TSC22D1: variants seen among roughly 807,000 people sequenced by gnomAD.
The protein encoded by TSC22D1 is TSC22 domain family member 1, also known as TSC22 domain family protein 1.
Under a neutral mutation model 74.2 loss-of-function variants are expected in TSC22D1, and 9 were observed. The ratio of observed to expected loss-of-function variants is 0.12; its 90% confidence interval spans 0.07 to 0.21. The LOEUF (loss-of-function observed/expected upper bound fraction) is 0.21. Ranked by LOEUF, TSC22D1 falls within the 10% of genes least tolerant of loss-of-function variation. The probability of loss-of-function intolerance (pLI) is 1.00; values close to 1 mark genes in which losing one functional copy is unlikely to be tolerated. For missense variants in TSC22D1, 1,427 were observed against 1,304.7 expected (o/e 1.09, Z -1.44); for synonymous variants, 586 against 492.5 (o/e 1.19, Z -2.51).
At chr13:44,464,441 A>C (rs1005023595) in intron 1 of TSC22D1, among the ~76,000 whole-genome samples, 2 of 152,254 alleles carry the variant, frequency 1.3e-5, no homozygotes, top group South Asian at 4.2e-4. Context: ...GACCTTACGG[A>C]GTTTACAGAC....
intron 1 of TSC22D1, among the ~76,000 whole-genome samples, chr13:44,453,259 A>T (rs905769101): frequency 4.1e-5 from 6 of 147,138 alleles, no homozygotes; most frequent in African/African-American, 1.5e-4. Context: ...CTAACAGCGC[A>T]CTTAGTAGCC....
At chr13:44,530,302 C>G (rs998361511) in intron 1 of TSC22D1, among the ~76,000 whole-genome samples, 2 of 152,136 alleles carry the variant, frequency 1.3e-5, no homozygotes, top group Non-Finnish European at 2.9e-5. Flanking sequence ...GGAGAAAGAA[C>G]AGTCTTCAAC....
At chr13:44,507,290 A>C (rs1879488603) in intron 1 of TSC22D1, among the ~76,000 whole-genome samples, 1 of 152,214 alleles carries the variant, frequency 6.6e-6, no homozygotes, top group Non-Finnish European at 1.5e-5. Flanking sequence ...AGAGGTAAGA[A>C]TAACGTTGCT....
At chr13:44,551,946 T>C (rs889053468) in intron 1 of TSC22D1, among the ~76,000 whole-genome samples, 2 of 152,160 alleles carry the variant, frequency 1.3e-5, no homozygotes, top group East Asian at 3.9e-4. Flanking sequence ...ACACTTTCAA[T>C]CACTCTTATT....
intron 1 of TSC22D1, among the ~76,000 whole-genome samples, chr13:44,563,644 T>C (rs933393440): frequency 1.3e-5 from 2 of 152,190 alleles, no homozygotes; most frequent in African/African-American, 4.8e-5. Flanking sequence ...CCTGACACAT[T>C]TTCCTTCACC....
Position 44,433,643 on chromosome 13 carries a change from T to TA in TSC22D1, c.*982dup. On this transcript the variant is annotated 3_prime_UTR_variant, in exon 3 of 3. Coordinates refer to ENST00000458659, the MANE Select transcript of TSC22D1 (RefSeq NM_183422.4). ...ATGCATATAACTACTATACAGGTGA[T>TA]ATGCAGAAACCCCTACTGGGAAATC... 3.5e-6 allele frequency: 1 copy of TA among 282,088 alleles called. No homozygotes were observed. The highest frequency in any genetic ancestry group is 6.5e-6 in the Non-Finnish European group (1 of 153,350). The allele number at this position is 282,088 out of a possible 1,614,324, so 17.5% of individuals were successfully genotyped here. A position where few individuals can be genotyped will look rare whatever the true frequency, so the allele number is the denominator to read the frequency against.
chr13:44,530,920 G>C (rs1268536676), intron 1 of TSC22D1, among the ~76,000 whole-genome samples: 1 of 152,168 alleles, frequency 6.6e-6, no homozygotes, highest in Non-Finnish European at 1.5e-5. Flanking sequence ...AGTCACTTTA[G>C]AAGACAGTTT....
chr13:44,523,216 C>T (rs1880397511), intron 1 of TSC22D1, among the ~76,000 whole-genome samples: 1 of 152,168 alleles, frequency 6.6e-6, no homozygotes, highest in African/African-American at 2.4e-5. Flanking sequence ...AAAAACAGTA[C>T]AGTCGAGTTG....
At chr13:44,529,205 T>C (rs1470076407) in intron 1 of TSC22D1, among the ~76,000 whole-genome samples, 1 of 151,946 alleles carries the variant, frequency 6.6e-6, no homozygotes, top group East Asian at 1.9e-4. Context: ...AATCCAACAA[T>C]GTATAAAAAA....
At chr13:44,438,819 T>TG (rs909267202) in intron 1 of TSC22D1, among the ~76,000 whole-genome samples, 31 of 152,168 alleles carry the variant, frequency 2.0e-4, no homozygotes, top group African/African-American at 7.2e-4. Context: ...ATTTACTACA[T>TG]GATAGTCTCT....
rs75218908 is a variant in TSC22D1, at chr13:44,484,058, C to G, written c.2913-47963G>C. Among the ~76,000 whole-genome samples the G allele has an allele frequency of 1.2e-3, 185 of 152,144 alleles. No homozygotes were observed. In the East Asian group the frequency reaches 0.029, roughly 24 times the overall value. On this transcript the variant is annotated intron_variant, in intron 1 of 2. Coordinates refer to ENST00000458659, the MANE Select transcript of TSC22D1 (RefSeq NM_183422.4). ...AGGTATCTTATACACGAATCTTGGC[C>G]CTTTTTAAAAGCATTACTTAAACAT... is the stretch of plus-strand genomic sequence containing the variant.
intron 1 of TSC22D1, among the ~76,000 whole-genome samples, chr13:44,562,267 C>G (rs1403375048): frequency 6.6e-6 from 1 of 152,134 alleles, no homozygotes; most frequent in Non-Finnish European, 1.5e-5. Context: ...TCTCAAACTC[C>G]TGGACTCCAG....
In TSC22D1 at chr13:44,480,169, T is replaced by C. The variant is rs183402523; in HGVS notation, c.2913-44074A>G. ...TGTTATCAACAGCACCTGAAAAAAC[T>C]TTCCTTTAAATTGAGCAACTGTAAA... On this transcript the variant is annotated intron_variant, in intron 1 of 2. Coordinates refer to ENST00000458659, the MANE Select transcript of TSC22D1 (RefSeq NM_183422.4). Among the ~76,000 whole-genome samples, 124 of 152,328 alleles carry C rather than the reference T, an allele frequency of 8.1e-4. 1 individual carries two copies. Among genetic ancestry groups the C allele is most frequent in the African/African-American group, 2.9e-3 (119 of 41,578 alleles).
chr13:44,434,043 G>C lies in TSC22D1; in HGVS notation c.*583C>G. The C allele has an allele frequency of 6.5e-7, 1 of 1,533,118 alleles. No individual in the cohort carries two copies. The highest frequency in any genetic ancestry group is 2.4e-5 in the East Asian group (1 of 40,882). The allele number at this position is 1,533,118 out of a possible 1,614,324, so 95.0% of individuals were successfully genotyped here. On this transcript the variant is annotated 3_prime_UTR_variant, in exon 3 of 3. Coordinates refer to ENST00000458659, the MANE Select transcript of TSC22D1 (RefSeq NM_183422.4). ...GGTCCCAGCTACCTGTCACCATTTT[G>C]TCACTCTCATAGTTTTGTGTCATCC...
At chr13:44,546,487 A>G (rs1162423725) in intron 1 of TSC22D1, among the ~76,000 whole-genome samples, 1 of 152,198 alleles carries the variant, frequency 6.6e-6, no homozygotes, top group Non-Finnish European at 1.5e-5. Flanking sequence ...GTATTCTTCA[A>G]AAGTGTCAAA....
At chr13:44,486,413 A>G (rs1235157620) in intron 1 of TSC22D1, among the ~76,000 whole-genome samples, 1 of 152,204 alleles carries the variant, frequency 6.6e-6, no homozygotes, top group Non-Finnish European at 1.5e-5. Context: ...GAATCGTGAC[A>G]TAACAGGCTT....
At chr13:44,516,530 C>T (rs188350450) in intron 1 of TSC22D1, among the ~76,000 whole-genome samples, 1 of 152,030 alleles carries the variant, frequency 6.6e-6, no homozygotes, top group East Asian at 1.9e-4. Flanking sequence ...GACACCCAGG[C>T]CATTTTCAAA....
rs954598610 is a variant in TSC22D1 at position 44,434,659 on chromosome 13, C to A, written c.3189G>T (p.Gln1063His). 6.3e-6 allele frequency: 10 copies of A among 1,589,164 alleles called. No individual in the cohort carries two copies. Among genetic ancestry groups the A allele is most frequent in the Non-Finnish European group, 6.0e-6 (7 of 1,169,590 alleles). Residue 1063 changes from glutamine to histidine, a missense_variant, in exon 3 of 3, where the codon CAG becomes CAT. Physicochemically the swap from Gln to His is conservative, Grantham distance 24. This residue lies in a region of TSC22D1 where 63 missense variants were observed against 50.5 expected (regional missense o/e 1.25). Transcript: ENST00000458659. ...QPQGTTQPPA[Q>H]PASQGSGPTA ...TTGGTCCTGAGCCCTGCGATGCTGG[C>A]TGGGCGGGGGGCTGTGTGGTGCCCT... is the stretch of plus-strand genomic sequence containing the variant.
At chr13:44,533,224 G>A (rs1243554183) in intron 1 of TSC22D1, among the ~76,000 whole-genome samples, 1 of 152,124 alleles carries the variant, frequency 6.6e-6, no homozygotes, top group East Asian at 1.9e-4. Context: ...ACTTTGGGAG[G>A]CTGAGGTGGA....
Sources: gnomAD v4.1 joint callset for allele counts (sites outside exome capture counted in the v4.1 genomes callset) on GRCh38, gnomAD v4.1.1 for gene constraint, gnomAD v4.1.1 regional missense constraint, MANE v1.5 for transcripts, NCBI Gene and HGNC (gene_info 2026-07-23, HGNC 2026-07-21) for gene names.